SLC12A6: variants seen among roughly 807,000 people sequenced by gnomAD.
The protein encoded by SLC12A6 is K-Cl cotransporter 3.
In SLC12A6, 66 loss-of-function variants were observed where a neutral mutation model predicts 135.3. The ratio of observed to expected loss-of-function variants is 0.49; its 90% CI spans 0.40 to 0.60. The LOEUF (loss-of-function observed/expected upper bound fraction) is 0.60. Among genes scored for constraint, SLC12A6 ranks in the 20% least tolerant of loss-of-function variants. SLC12A6 has a pLI of 0.00. For synonymous variants in SLC12A6, 513 were observed against 508.8 expected, an observed-to-expected ratio of 1.01 and a Z score of -0.11; for missense variants, 1,058 against 1,452.3, an observed-to-expected ratio of 0.73 and a Z score of 4.41.
At chr15:34,284,378 T>A in intron 2 of SLC12A6, among the ~76,000 whole-genome samples, 1 of 147,054 alleles carries the variant, frequency 6.8e-6, no homozygotes, top group Non-Finnish European at 1.5e-5. Context: ...GTTCAAGCGA[T>A]TCTCCTGCCT....
intron 13 of SLC12A6, among the ~76,000 whole-genome samples, chr15:34,249,955 A>AG (rs1401248293): frequency 1.2e-4 from 19 of 152,176 alleles, no homozygotes; most frequent in Admixed American, 1.2e-3. Context: ...CCCAGGCTGG[A>AG]GTACGGTGGC....
chr15:34,292,278 T>C (rs28857572), intron 2 of SLC12A6, among the ~76,000 whole-genome samples: 5,975 of 152,118 alleles, frequency 0.039, 219 homozygotes, highest in African/African-American at 0.099. Context: ...TTACTGGAGG[T>C]CCACTCCAGA....
At chr15:34,319,338 C>T (rs1888893035) in intron 2 of SLC12A6, among the ~76,000 whole-genome samples, 1 of 151,368 alleles carries the variant, frequency 6.6e-6, no homozygotes, top group South Asian at 2.1e-4. Context: ...ACGGGGGTCT[C>T]ACCACGTTGG....
intron 2 of SLC12A6, among the ~76,000 whole-genome samples, chr15:34,281,999 A>T (rs543253013): frequency 2.6e-4 from 40 of 152,312 alleles, no homozygotes; most frequent in African/African-American, 9.1e-4. Context: ...CCAAAAAAAA[A>T]TAGCTAAAGA....
chr15:34,238,754 C>A (rs539655861), intron 20 of SLC12A6: 57 of 642,852 alleles, frequency 8.9e-5, no homozygotes, highest in Non-Finnish European at 1.4e-4. Context: ...ATTCCTAGCA[C>A]AAGACTTGAC....
rs1165632296 is a variant in SLC12A6 at position 34,239,231 on chromosome 15, A to G, written c.2437-71T>C. On this transcript the variant is annotated intron_variant, in intron 19 of 25. Transcript: ENST00000354181. ...CATTTTAACCCATTGTTCCTTCTCC[A>G]TATTATATCCCCCACCTTTTTCCAA... 5.3e-6 allele frequency: 6 copies of G among 1,122,218 alleles called. No homozygotes were observed. In the South Asian group the frequency reaches 7.4e-5, roughly 14 times the overall value. 69.5% of individuals were successfully genotyped at this position (1,122,218 alleles called of 1,614,324 possible). A position where few individuals can be genotyped will look rare whatever the true frequency, so the allele number is the denominator to read the frequency against.
At chr15:34,256,132 T>C (rs1892738392) in intron 7 of SLC12A6, 97 bp downstream of exon 7, 1 of 798,154 alleles carries the variant, frequency 1.3e-6, no homozygotes, top group South Asian at 1.4e-5. Context: ...ACAGACCAAA[T>C]AGTATTCTAT....
Position 34,244,018 on chromosome 15 carries a change from T to C in SLC12A6, c.1998A>G (p.Leu666=), listed in dbSNP as rs761707485. 27 of 1,610,388 alleles carry C rather than the reference T, an allele frequency of 1.7e-5. No individual in the cohort carries two copies. The Admixed American group carries it at 2.7e-4, about 16-fold the overall frequency. Residue 666 remains leucine (L), a synonymous_variant, in exon 16 of 26, where the codon TTA becomes TTG. Transcript: ENST00000354181. ...GGGGTCTCCAGTTGGGTGTTCGAAGTAATGTTTGCAAGGCACATGCCAAGT... is the reference window on the plus strand; with the variant it reads ...GGGGTCTCCAGTTGGGTGTTCGAAGCAATGTTTGCAAGGCACATGCCAAGT... The part of the protein sequence containing the change: ...FVNLACALQT[L]LRTPNWRPRF...
intron 2 of SLC12A6, among the ~76,000 whole-genome samples, chr15:34,284,570 C>T (rs1894920924): frequency 6.6e-6 from 1 of 152,114 alleles, no homozygotes; most frequent in Non-Finnish European, 1.5e-5. Context: ...CTGCGCCTGG[C>T]CCATGTTACT....
chr15:34,282,425 T>C (rs1329152276), intron 2 of SLC12A6, among the ~76,000 whole-genome samples: 1 of 152,196 alleles, frequency 6.6e-6, no homozygotes, highest in Non-Finnish European at 1.5e-5. Context: ...TTGGGAAACG[T>C]TGAACTAATT....
intron 2 of SLC12A6, among the ~76,000 whole-genome samples, chr15:34,334,007 T>C (rs555274882): frequency 2.0e-5 from 3 of 151,108 alleles, no homozygotes; most frequent in East Asian, 1.9e-4. Flanking sequence ...GAGACAGAGA[T>C]TGCAGTGAGT....
At chr15:34,247,472 G>A (rs1892074424) in intron 13 of SLC12A6, among the ~76,000 whole-genome samples, 1 of 151,884 alleles carries the variant, frequency 6.6e-6, no homozygotes, top group South Asian at 2.1e-4. Context: ...AGCCGAGACT[G>A]CGCCACTGCA....
chr15:34,266,008 CTTT>C (rs34173980), intron 3 of SLC12A6, among the ~76,000 whole-genome samples: 1,538 of 102,268 alleles, frequency 0.015, 10 homozygotes, highest in Middle Eastern at 0.064. Context: ...ATACAGAAAG[CTTT>C]TTTTTTTTTT....
chr15:34,259,529 A>G (rs557866199), intron 4 of SLC12A6, among the ~76,000 whole-genome samples: 2 of 152,230 alleles, frequency 1.3e-5, no homozygotes, highest in African/African-American at 2.4e-5. Context: ...ACATGCCTGT[A>G]GTCCCAGCTA....
intron 22 of SLC12A6, chr15:34,237,151 A>G: frequency 2.1e-6 from 1 of 465,990 alleles, no homozygotes; most frequent in Non-Finnish European, 3.9e-6. Flanking sequence ...AAATTTCATA[A>G]AACTATATTA....
Position 34,242,139 on chromosome 15 carries a change from T to C in SLC12A6, c.2125A>G (p.Ile709Val). The change falls in exon 17 of 26, where the codon ATA (isoleucine) becomes GTA (valine). Residue 709 changes from isoleucine to valine, a missense_variant. Ile to Val is a conservative substitution (Grantham distance 29). This residue lies in a region of SLC12A6 where 170 missense variants were observed against 297.6 expected (regional missense o/e 0.57). Coordinates refer to ENST00000354181, the MANE Select transcript of SLC12A6 (RefSeq NM_001365088.1). ...ATGTACTTGTAGATCATACCAGCTA[T>C]TACCATGGCTACAATGGCATAATAC... ...SWYYAIVAMV[I>V]AGMIYKYIEY... The C allele has an allele frequency of 1.9e-6, 3 of 1,595,486 alleles. No individual in the cohort carries two copies. The highest frequency in any genetic ancestry group is 2.6e-6 in the Non-Finnish European group (3 of 1,163,242).
At chr15:34,290,841 T>G (rs995481724) in intron 2 of SLC12A6, among the ~76,000 whole-genome samples, 3 of 152,220 alleles carry the variant, frequency 2.0e-5, no homozygotes, top group African/African-American at 7.2e-5. Flanking sequence ...TTGGTAGATC[T>G]TCCTCCATCC....
intron 22 of SLC12A6, chr15:34,237,032 A>G (rs1357904408): frequency 3.6e-6 from 2 of 557,084 alleles, no homozygotes; most frequent in African/African-American, 1.9e-5. Context: ...TAATCTAACC[A>G]AGACATGTGT....
intron 5 of SLC12A6, among the ~76,000 whole-genome samples, chr15:34,258,482 C>T (rs944615148): frequency 3.3e-5 from 5 of 152,202 alleles, no homozygotes; most frequent in Non-Finnish European, 7.3e-5. Flanking sequence ...TTTCCCTGTC[C>T]AACCTATGTA....
Sources: gnomAD v4.1 joint callset for allele counts (sites outside exome capture counted in the v4.1 genomes callset) on GRCh38, gnomAD v4.1.1 for gene constraint, gnomAD v4.1.1 regional missense constraint, MANE v1.5 for transcripts, NCBI Gene and HGNC (gene_info 2026-07-23, HGNC 2026-07-21) for gene names.